The following BBOX1 variants were observed in gnomAD, a reference collection of about 807,000 sequenced individuals.
The protein encoded by BBOX1 is gamma-butyrobetaine dioxygenase.
BBOX1 carries 35 observed loss-of-function variants against 41.6 expected under a neutral mutation model. The observed-to-expected ratio is 0.84, with a 90% CI of 0.64 to 1.11. The LOEUF (loss-of-function observed/expected upper bound fraction) is 1.11. Among genes scored for constraint, BBOX1 ranks in the 50% most tolerant of loss-of-function variants. The pLI, the probability that BBOX1 is intolerant of heterozygous loss-of-function variation, is 0.00. For missense variants in BBOX1, 458 were observed against 460.6 expected, an observed-to-expected ratio of 0.99 and a Z score of 0.05; for synonymous variants, 163 against 154.7, an observed-to-expected ratio of 1.05 and a Z score of -0.40.
intron 2 of BBOX1, among the ~76,000 whole-genome samples, chr11:27,048,496 C>T (rs1851561930): frequency 6.7e-6 from 1 of 149,688 alleles, no homozygotes; most frequent in African/African-American, 2.5e-5. Flanking sequence ...TGTGTGTAGA[C>T]AGATGATATA....
intron 4 of BBOX1, among the ~76,000 whole-genome samples, chr11:27,060,935 T>G (rs796085452): frequency 3.3e-5 from 5 of 152,332 alleles, no homozygotes; most frequent in African/African-American, 1.2e-4. Flanking sequence ...CATTGCTAAA[T>G]TCTTCAAGGA....
chr11:27,119,171 G>A (rs531289741), intron 6 of BBOX1, among the ~76,000 whole-genome samples: 52 of 151,910 alleles, frequency 3.4e-4, no homozygotes, highest in African/African-American at 1.2e-3. Context: ...CCAGTGAACT[G>A]TGCATTTTTG....
At chr11:27,050,335 A>AT (rs1330086558) in intron 2 of BBOX1, among the ~76,000 whole-genome samples, 1 of 152,036 alleles carries the variant, frequency 6.6e-6, no homozygotes, top group African/African-American at 2.4e-5. Context: ...GGCCACTCAG[A>AT]TTTTTTGTGG....
Position 27,127,477 on chromosome 11 carries a change from A to G in BBOX1, c.*24A>G, listed in dbSNP as rs747397587. 10 of 1,584,384 alleles carry G rather than the reference A, an allele frequency of 6.3e-6. No homozygotes were observed. The highest frequency in any genetic ancestry group is 7.7e-6 in the Non-Finnish European group (9 of 1,170,076). On this transcript the variant is annotated 3_prime_UTR_variant, in exon 9 of 9. Coordinates refer to ENST00000263182, the MANE Select transcript of BBOX1 (RefSeq NM_003986.3). ...GAAGTCACCTGTAGATAATTTTAAT[A>G]AGATTCCAATGACCATATTTTGTGA...
intron 4 of BBOX1, among the ~76,000 whole-genome samples, chr11:27,071,988 A>AAATTAAAAGTTC (rs1857466645): frequency 6.6e-6 from 1 of 151,824 alleles, no homozygotes; most frequent in African/African-American, 2.4e-5. Flanking sequence ...AAAACTGGAA[A>AAATTAAAAGTTC]CATTCCCTTT....
chr11:27,124,488 T>A (rs578251344), intron 7 of BBOX1, among the ~76,000 whole-genome samples: 1 of 152,284 alleles, frequency 6.6e-6, no homozygotes, highest in South Asian at 2.1e-4. Flanking sequence ...AAAGCTCAAA[T>A]CTAAGAAATA....
chr11:27,068,534 A>AT lies in BBOX1; in HGVS notation c.334+11228dup, dbSNP rs368559076. Among the ~76,000 whole-genome samples, 107 of 150,700 alleles carry AT rather than the reference A, an allele frequency of 7.1e-4. 1 individual carries two copies. Among genetic ancestry groups the AT allele is most frequent in the South Asian group, 5.3e-3 (25 of 4,740 alleles). The stretch of plus-strand genomic sequence containing the variant: ...TTTCTGTGGGTTGTTTACTCTGGTA[A>AT]TTTTTTTTTCTTTTTTGCTATACAG... On this transcript the variant is annotated intron_variant, in intron 4 of 8. Transcript: ENST00000263182.
chr11:27,108,511 G>A (rs2134078892), intron 5 of BBOX1, among the ~76,000 whole-genome samples: 1 of 152,150 alleles, frequency 6.6e-6, no homozygotes, highest in South Asian at 2.1e-4. Flanking sequence ...TGCCAGTGTT[G>A]ACAATCGTCT....
chr11:27,086,519 GA>G (rs1858046078), intron 4 of BBOX1, among the ~76,000 whole-genome samples: 1 of 152,126 alleles, frequency 6.6e-6, no homozygotes, highest in South Asian at 2.1e-4. Context: ...TCACTGCTCA[GA>G]AAGAGAAGAT....
At chr11:27,106,688 A>G (rs1163192950) in intron 5 of BBOX1, among the ~76,000 whole-genome samples, 1 of 152,130 alleles carries the variant, frequency 6.6e-6, no homozygotes, top group Non-Finnish European at 1.5e-5. Flanking sequence ...TGAGACAGAA[A>G]GTTAACAAGG....
intron 5 of BBOX1, among the ~76,000 whole-genome samples, chr11:27,106,719 G>C (rs1302596173): frequency 6.7e-6 from 1 of 150,128 alleles, no homozygotes; most frequent in African/African-American, 2.5e-5. Flanking sequence ...ATTGAACTCA[G>C]CTCTGCACCA....
chr11:27,062,100 T>C (rs1370137418), intron 4 of BBOX1, among the ~76,000 whole-genome samples: 2 of 152,186 alleles, frequency 1.3e-5, no homozygotes, highest in East Asian at 1.9e-4. Flanking sequence ...AGTTGCACTT[T>C]GGAGAATCAA....
At chr11:27,124,522 T>C (rs1029126024) in intron 7 of BBOX1, among the ~76,000 whole-genome samples, 1 of 152,126 alleles carries the variant, frequency 6.6e-6, no homozygotes. Context: ...ATTTATTTAT[T>C]AATTTATTTT....
chr11:27,108,787 C>A (rs954216020), intron 5 of BBOX1, among the ~76,000 whole-genome samples: 6 of 151,992 alleles, frequency 3.9e-5, no homozygotes, highest in African/African-American at 9.7e-5. Flanking sequence ...CCAATTTTAT[C>A]CTCAATCCCA....
At chr11:27,113,633 C>T (rs1859157249) in intron 5 of BBOX1, among the ~76,000 whole-genome samples, 2 of 151,676 alleles carry the variant, frequency 1.3e-5, no homozygotes, top group Admixed American at 1.3e-4. Flanking sequence ...GAAGGGAACA[C>T]TAGACACCTG....
At position 27,119,045 on chromosome 11, in the gene BBOX1, A is replaced by G. The variant is rs1224752553; in HGVS notation, c.640-604A>G. ...GTGAATTCCCTCTATGCACAAATACAAAAGCCCTTCATCTGATATTTAAGA... is the reference window on the plus strand; with the variant it reads ...GTGAATTCCCTCTATGCACAAATACGAAAGCCCTTCATCTGATATTTAAGA... On this transcript the variant is annotated intron_variant, in intron 6 of 8. Coordinates refer to ENST00000263182, the MANE Select transcript of BBOX1 (RefSeq NM_003986.3). 5.3e-5 allele frequency among the ~76,000 whole-genome samples: 8 copies of G among 152,024 alleles called. No individual in the cohort carries two copies. In the East Asian group the frequency reaches 1.5e-3, roughly 29 times the overall value.
In BBOX1 at chr11:27,103,514, A is replaced by G. The variant is rs537438095; in HGVS notation, c.533+10148A>G. On this transcript the variant is annotated intron_variant, in intron 5 of 8. Transcript: ENST00000263182. Reference sequence around the variant, plus strand: ...TTTCTTTTAAATTCTTCTCCCTCTTATCTCCTAGTTACGTTTATTTGATCT... The same window carrying G: ...TTTCTTTTAAATTCTTCTCCCTCTTGTCTCCTAGTTACGTTTATTTGATCT... Among the ~76,000 whole-genome samples, 7 of 151,682 alleles carry G rather than the reference A, an allele frequency of 4.6e-5. No homozygotes were observed. In the East Asian group the frequency reaches 1.4e-3, roughly 30 times the overall value.
At chr11:27,065,658 C>A (rs943356417) in intron 4 of BBOX1, among the ~76,000 whole-genome samples, 5 of 152,100 alleles carry the variant, frequency 3.3e-5, no homozygotes, top group African/African-American at 1.2e-4. Flanking sequence ...TTTCTAAACT[C>A]CATCCATACT....
intron 4 of BBOX1, among the ~76,000 whole-genome samples, chr11:27,064,915 A>AC (rs1857237372): frequency 1.3e-5 from 2 of 151,740 alleles, no homozygotes; most frequent in Non-Finnish European, 2.9e-5. Context: ...TGAAAAAAAA[A>AC]AACAACAAAA....
Sources: gnomAD v4.1 joint callset for allele counts (sites outside exome capture counted in the v4.1 genomes callset) on GRCh38, gnomAD v4.1.1 for gene constraint, MANE v1.5 for transcripts, NCBI Gene and HGNC (gene_info 2026-07-23, HGNC 2026-07-21) for gene names.